Variants in COL28A1 observed in about 807,000 individuals in gnomAD.
The protein encoded by COL28A1 is collagen type XXVIII alpha 1 chain.
In COL28A1, 161 loss-of-function variants were observed where a neutral mutation model predicts 150.2. That is an observed-to-expected ratio of 1.07 (90% CI 0.94 to 1.22). The LOEUF is 1.22. Ranked by LOEUF, COL28A1 falls within the 50% of genes most tolerant of loss-of-function variation. COL28A1 has a pLI of 0.00. For missense variants in COL28A1, 1,617 were observed against 1,388.3 expected (o/e 1.16, Z -2.62); for synonymous variants, 552 against 469.7 (o/e 1.18, Z -2.26).
intron 11 of COL28A1, among the ~76,000 whole-genome samples, chr7:7,497,277 T>C (rs914889029): frequency 6.6e-6 from 1 of 152,238 alleles, no homozygotes; most frequent in African/African-American, 2.4e-5. Context: ...TAGTATAAAG[T>C]TGTCAAAATG....
intron 27 of COL28A1, among the ~76,000 whole-genome samples, chr7:7,401,822 G>C (rs924671833): frequency 1.3e-5 from 2 of 152,110 alleles, no homozygotes; most frequent in Non-Finnish European, 2.9e-5. Flanking sequence ...AACCCTTCAA[G>C]AACTTCTTAT....
At chr7:7,517,698 TCACTTTTG>T (rs1781493042) in intron 7 of COL28A1, 90 bp downstream of exon 7, 1 of 1,567,246 alleles carries the variant, frequency 6.4e-7, no homozygotes, top group South Asian at 1.1e-5. Flanking sequence ...TAGATAGAAA[TCACTTTTG>T]CACTTGCACT....
chr7:7,417,554 A>AGAGGGACAGACG (rs1784170497), intron 27 of COL28A1: 1 of 184,640 alleles, frequency 5.4e-6, no homozygotes, highest in African/African-American at 3.1e-5. Context: ...GGGGGGAGAG[A>AGAGGGACAGACG]GAGAGAGAGA....
intron 11 of COL28A1, among the ~76,000 whole-genome samples, chr7:7,504,339 A>C (rs1218624687): frequency 7.9e-5 from 12 of 152,110 alleles, no homozygotes; most frequent in Non-Finnish European, 1.5e-5. Flanking sequence ...TCTACAAAAA[A>C]AAAAATTATA....
At chr7:7,407,544 C>T (rs150319560) in intron 27 of COL28A1, among the ~76,000 whole-genome samples, 5 of 151,968 alleles carry the variant, frequency 3.3e-5, no homozygotes, top group Non-Finnish European at 5.9e-5. Flanking sequence ...TCTTTCATGC[C>T]CTCAGAGGAA....
chr7:7,454,171 A>G (rs1786948762), intron 16 of COL28A1, among the ~76,000 whole-genome samples: 1 of 152,188 alleles, frequency 6.6e-6, no homozygotes, highest in Admixed American at 6.5e-5. Flanking sequence ...AAGCCTCCAA[A>G]TATTTAACAA....
intron 7 of COL28A1, among the ~76,000 whole-genome samples, chr7:7,516,820 G>A (rs770759591): frequency 5.3e-5 from 8 of 152,016 alleles, no homozygotes; most frequent in Non-Finnish European, 1.0e-4. Flanking sequence ...TCTCAAACTA[G>A]TGGCCTTAAG....
chr7:7,437,952 G>A (rs7778212), intron 21 of COL28A1, among the ~76,000 whole-genome samples: 15,191 of 151,828 alleles, frequency 0.1, 896 homozygotes, highest in Middle Eastern at 0.21. Context: ...GAACCCCTAT[G>A]GGCTGGGTGT....
chr7:7,542,986 T>C, the COL28A1 span, among the ~76,000 whole-genome samples: 4 of 152,194 alleles, frequency 2.6e-5, no homozygotes, highest in African/African-American at 9.7e-5. Context: ...AAGTATTTAA[T>C]AACTGTCTCT....
At chr7:7,509,782 T>C (rs533467393) in intron 9 of COL28A1, among the ~76,000 whole-genome samples, 1 of 152,358 alleles carries the variant, frequency 6.6e-6, no homozygotes, top group African/African-American at 2.4e-5. Flanking sequence ...GACTTTCATT[T>C]CTATTCTATT....
intron 25 of COL28A1, among the ~76,000 whole-genome samples, chr7:7,420,922 GA>G (rs1784363542): frequency 6.6e-6 from 1 of 152,328 alleles, no homozygotes; most frequent in South Asian, 2.1e-4. Context: ...AGCCACTTTG[GA>G]AAACAGTTTG....
chr7:7,353,961 G>C (rs1357908204), downstream of COL28A1, among the ~76,000 whole-genome samples: 1 of 151,944 alleles, frequency 6.6e-6, no homozygotes, highest in Admixed American at 6.6e-5. Flanking sequence ...ATATGGTAAA[G>C]GCTATTTCTA....
At chr7:7,478,248 G>A (rs1217058955) in intron 13 of COL28A1, among the ~76,000 whole-genome samples, 1 of 152,032 alleles carries the variant, frequency 6.6e-6, no homozygotes, top group Non-Finnish European at 1.5e-5. Context: ...GTGCTGATTG[G>A]TGTATTCAAA....
chr7:7,526,352 C>A (rs1583573378), intron 3 of COL28A1, among the ~76,000 whole-genome samples: 1 of 152,198 alleles, frequency 6.6e-6, no homozygotes, highest in African/African-American at 2.4e-5. Flanking sequence ...TGGATCTACA[C>A]ATTTCAACAA....
chr7:7,433,057 C>G (rs1180643956), intron 23 of COL28A1, among the ~76,000 whole-genome samples: 1 of 152,044 alleles, frequency 6.6e-6, no homozygotes, highest in East Asian at 1.9e-4. Flanking sequence ...AATAAAAACA[C>G]ATTAATTTTT....
chr7:7,431,274 T>G (rs762581689), intron 25 of COL28A1: 9 of 209,678 alleles, frequency 4.3e-5, no homozygotes, highest in Non-Finnish European at 8.1e-5. Context: ...GTTGTAGAGC[T>G]CCTACTGAAT....
chr7:7,540,229 G>C (rs141243299), upstream of COL28A1, among the ~76,000 whole-genome samples: 993 of 152,242 alleles, frequency 6.5e-3, 5 homozygotes, highest in South Asian at 8.1e-3. Flanking sequence ...TTCATGCAGA[G>C]CCTACAAATA....
At chr7:7,396,960 G>A (rs1486961158) in intron 27 of COL28A1, among the ~76,000 whole-genome samples, 1 of 152,154 alleles carries the variant, frequency 6.6e-6, no homozygotes, top group African/African-American at 2.4e-5. Flanking sequence ...TGTCAGCCAT[G>A]TACAGCAAGG....
chr7:7,411,433 T>C (rs1481696541), intron 27 of COL28A1, among the ~76,000 whole-genome samples: 3 of 152,176 alleles, frequency 2.0e-5, no homozygotes, highest in Non-Finnish European at 4.4e-5. Context: ...CAAATGCTGC[T>C]GGCATCCCAA....
Sources: gnomAD v4.1 joint callset for allele counts (sites outside exome capture counted in the v4.1 genomes callset) on GRCh38, gnomAD v4.1.1 for gene constraint, MANE v1.5 for transcripts, NCBI Gene and HGNC (gene_info 2026-07-23, HGNC 2026-07-21) for gene names.